DMXL2: variants seen among roughly 807,000 people sequenced by gnomAD.
The protein encoded by DMXL2 is dmX-like protein 2.
DMXL2 carries 103 observed loss-of-function variants against 331.1 expected under a neutral mutation model. The observed-to-expected ratio is 0.31, with a 90% CI of 0.27 to 0.37. The LOEUF (loss-of-function observed/expected upper bound fraction) is 0.37, where lower values mean the gene tolerates loss of function less well. DMXL2 is among the 10% of genes least tolerant of loss of function. The pLI is 1.00. For synonymous variants in DMXL2, 1,281 were observed against 1,252.1 expected, an observed-to-expected ratio of 1.02 and a Z score of -0.49; for missense variants, 3,171 against 3,642.9, an observed-to-expected ratio of 0.87 and a Z score of 3.33.
intron 27 of DMXL2, among the ~76,000 whole-genome samples, chr15:51,476,334 A>G (rs1215529051): frequency 6.6e-6 from 1 of 152,168 alleles, no homozygotes; most frequent in Non-Finnish European, 1.5e-5. Flanking sequence ...CTCCATCCTT[A>G]TGAAGGATGT....
chr15:51,504,208 T>C (rs1031362875), intron 16 of DMXL2, among the ~76,000 whole-genome samples: 1 of 152,122 alleles, frequency 6.6e-6, no homozygotes, highest in African/African-American at 2.4e-5. Context: ...GAAATAACAA[T>C]ATACTGCCTC....
Position 51,500,149 on chromosome 15 carries a change from G to A in DMXL2, c.3075C>T (p.Arg1025=). 1 of 1,614,150 alleles carries A rather than the reference G, an allele frequency of 6.2e-7. No homozygotes were observed. Among genetic ancestry groups the A allele is most frequent in the South Asian group, 1.1e-5 (1 of 91,078 alleles). Residue 1025 remains arginine (R), a synonymous_variant, in exon 18 of 44, where the codon CGC becomes CGT. Transcript: ENST00000560891. ...VVTTCSDNKV[R]FWKCCMEANP... ...TGGCTTCCATACAACATTTCCAGAA[G>A]CGTACTTTATTGTCAGAACAAGTTG...
At chr15:51,618,336 A>G (rs565440917) in intron 1 of DMXL2, among the ~76,000 whole-genome samples, 3 of 151,242 alleles carry the variant, frequency 2.0e-5, no homozygotes, top group Non-Finnish European at 4.4e-5. Flanking sequence ...TTTAATACCC[A>G]CAAAGCTTAG....
Position 51,448,796 on chromosome 15 carries a change from G to T in DMXL2, c.*188C>A. The T allele has an allele frequency of 1.6e-6, 1 of 614,392 alleles. No homozygotes were observed. Among genetic ancestry groups the T allele is most frequent in the Non-Finnish European group, 2.8e-6 (1 of 354,166 alleles). 38.1% of individuals were successfully genotyped at this position (614,392 alleles called of 1,614,324 possible). A position where few individuals can be genotyped will look rare whatever the true frequency, so the allele number is the denominator to read the frequency against. The stretch of plus-strand genomic sequence containing the variant: ...TACTAGGTTTTATTTTTTTTAGTAT[G>T]TCAGCATAATAAGGTACATGCGCAT... On this transcript the variant is annotated 3_prime_UTR_variant, in exon 44 of 44. Transcript: ENST00000560891.
chr15:51,480,392 A>G (rs2041923981), intron 24 of DMXL2, 150 bp downstream of exon 24: 2 of 1,012,822 alleles, frequency 2.0e-6, no homozygotes, highest in Non-Finnish European at 1.4e-6. Flanking sequence ...TAAGACACAT[A>G]GAGTATAAAT....
intron 1 of DMXL2, among the ~76,000 whole-genome samples, chr15:51,596,398 G>T (rs553128890): frequency 6.6e-6 from 1 of 152,066 alleles, no homozygotes; most frequent in African/African-American, 2.4e-5. Flanking sequence ...TTAGAATGGC[G>T]ATCATTAAAA....
chr15:51,506,256 T>C (rs2046390309), intron 16 of DMXL2, among the ~76,000 whole-genome samples: 1 of 151,948 alleles, frequency 6.6e-6, no homozygotes, highest in African/African-American at 2.4e-5. Context: ...AGAGATGAAG[T>C]CTCACTCTAT....
chr15:51,528,928 A>G (rs1272817362), intron 13 of DMXL2, among the ~76,000 whole-genome samples: 2 of 152,220 alleles, frequency 1.3e-5, no homozygotes, highest in Admixed American at 1.3e-4. Flanking sequence ...ACCACATTGG[A>G]ATAAAACTAG....
At chr15:51,548,010 A>C (rs948665234) in intron 6 of DMXL2, among the ~76,000 whole-genome samples, 18 of 152,082 alleles carry the variant, frequency 1.2e-4, no homozygotes, top group Admixed American at 9.2e-4. Context: ...TCCGATCCCT[A>C]CTCTAAGTGA....
At chr15:51,566,898 A>G (rs1045375581) in intron 3 of DMXL2, 31 of 152,316 alleles carry the variant, frequency 2.0e-4, no homozygotes, top group African/African-American at 7.2e-4. Context: ...TAAGTAAGAC[A>G]AATATAATAT....
Position 51,615,480 on chromosome 15 carries a change from T to C in DMXL2, c.87+6979A>G, listed in dbSNP as rs369228612. On this transcript the variant is annotated intron_variant, in intron 1 of 43. Coordinates refer to ENST00000560891, the MANE Select transcript of DMXL2 (RefSeq NM_001378457.1). ...TTGTGGAGGACTATCCCGTGCACTG[T>C]AGGACGTTTTATCTAAATCTCTGGC... 8.5e-5 allele frequency among the ~76,000 whole-genome samples: 13 copies of C among 152,310 alleles called. No individual in the cohort carries two copies. In the East Asian group the frequency reaches 1.9e-3, roughly 23 times the overall value.
intron 6 of DMXL2, among the ~76,000 whole-genome samples, chr15:51,549,484 T>A (rs1236081277): frequency 6.6e-6 from 1 of 152,180 alleles, no homozygotes; most frequent in South Asian, 2.1e-4. Context: ...TACCCAGAAG[T>A]GGATAGCTGG....
intron 6 of DMXL2, among the ~76,000 whole-genome samples, chr15:51,562,857 C>T (rs1043778778): frequency 6.6e-6 from 1 of 152,044 alleles, no homozygotes; most frequent in East Asian, 1.9e-4. Flanking sequence ...CAACCCCTCA[C>T]CTTTATCAAG....
At chr15:51,598,036 G>A (rs1488964404) in intron 1 of DMXL2, among the ~76,000 whole-genome samples, 1 of 152,116 alleles carries the variant, frequency 6.6e-6, no homozygotes, top group East Asian at 1.9e-4. Context: ...GTCAAATATA[G>A]ATGTTGCAAT....
Position 51,449,211 on chromosome 15 carries a change from G to GAGTT in DMXL2, c.8968-22_8968-19dup. ...CTCCAAACCTAGTGCAAAACAAAAGGAGTTAAAAATATATTACGAAAAGAC... is the reference window on the plus strand; with the variant it reads ...CTCCAAACCTAGTGCAAAACAAAAGGAGTTAGTTAAAAATATATTACGAAAAGAC... On this transcript the variant is annotated intron_variant, in intron 43 of 43. Coordinates refer to ENST00000560891, the MANE Select transcript of DMXL2 (RefSeq NM_001378457.1). 6.2e-7 allele frequency: 1 copy of GAGTT among 1,612,688 alleles called. No individual in the cohort carries two copies. The highest frequency in any genetic ancestry group is 8.5e-7 in the Non-Finnish European group (1 of 1,179,410).
chr15:51,465,517 C>T lies in DMXL2; in HGVS notation c.7606+49G>A, dbSNP rs757515511. 48 of 1,337,272 alleles carry T rather than the reference C, an allele frequency of 3.6e-5. 2 individuals are homozygous for T. Among genetic ancestry groups the T allele is most frequent in the Admixed American group, 2.4e-4 (12 of 50,082 alleles). 82.8% of individuals were successfully genotyped at this position (1,337,272 alleles called of 1,614,324 possible). A position where few individuals can be genotyped will look rare whatever the true frequency, so the allele number is the denominator to read the frequency against. ...ATAGATTTTGTAAAGAGAAACTTGA[C>T]GGCAATTTATTATACTTAATAACAT... On this transcript the variant is annotated intron_variant, in intron 31 of 43. Transcript: ENST00000560891.
At chr15:51,478,249 A>AT in intron 26 of DMXL2, 22 bp downstream of exon 26, 1 of 1,510,580 alleles carries the variant, frequency 6.6e-7, no homozygotes, top group South Asian at 1.1e-5. Flanking sequence ...TATTAATACT[A>AT]TTTTGGGTGA....
In DMXL2 at chr15:51,488,055, TTC is replaced by T; in HGVS notation, c.5114_5115del (p.Arg1705GlnfsTer17). 1 of 1,613,588 alleles carries T rather than the reference TTC, an allele frequency of 6.2e-7. No individual in the cohort carries two copies. The highest frequency in any genetic ancestry group is 8.5e-7 in the Non-Finnish European group (1 of 1,179,850). The part of the protein sequence containing the change: ...FSHNFNEDRW[R>X]KAALKNAFSL... The stretch of plus-strand genomic sequence containing the variant: ...GAAAAAGCATTTTTCAAAGCAGCTT[TTC>T]GCCATCTATCTTCATTAAAGTTGTG... On this transcript the variant is annotated frameshift_variant, in exon 22 of 44. Transcript: ENST00000560891. LOFTEE classifies it high-confidence loss of function.
Position 51,536,300 on chromosome 15 carries a change from A to T in DMXL2, c.2180T>A (p.Leu727Gln). Residue 727 changes from leucine (L) to glutamine (Q), a missense_variant, in exon 12 of 44, where the codon CTG (leucine) becomes CAG (glutamine). Around this residue, in one of 7 missense-constraint regions of DMXL2, gnomAD observed 1,674 missense variants for 1,780.2 expected, o/e 0.94. Coordinates refer to ENST00000560891, the MANE Select transcript of DMXL2 (RefSeq NM_001378457.1). ...DPNAIYSELI[L>Q]WRVDPIGPLS... ...AGGTCCTATTGGGTCTACACGCCAC[A>T]GAATAAGTTCACTGTAGATTGCATT... is the stretch of plus-strand genomic sequence containing the variant. 6.2e-7 allele frequency: 1 copy of T among 1,614,086 alleles called. No individual in the cohort carries two copies. The highest frequency in any genetic ancestry group is 1.1e-5 in the South Asian group (1 of 91,084).
Sources: allele counts gnomAD v4.1 joint callset (sites outside exome capture counted in the v4.1 genomes callset), GRCh38; gene constraint gnomAD v4.1.1; regional missense constraint gnomAD v4.1.1; transcripts MANE v1.5; gene names NCBI Gene and HGNC (gene_info 2026-07-23, HGNC 2026-07-21).